Variants in DLGAP2 observed in about 807,000 individuals in gnomAD.
DLGAP2 encodes DLG associated protein 2.
Under a neutral mutation model 100.3 loss-of-function variants are expected in DLGAP2, and 26 were observed. That is an observed-to-expected ratio of 0.26 (90% CI 0.19 to 0.36). DLGAP2 has a LOEUF of 0.36. Ranked by LOEUF, DLGAP2 falls within the 10% of genes least tolerant of loss-of-function variation. DLGAP2 has a pLI of 1.00. For synonymous variants in DLGAP2, 886 were observed against 630.1 expected (o/e 1.41, Z -6.08); for missense variants, 1,858 against 1,453.2 (o/e 1.28, Z -4.53).
chr8:1,200,085 A>G (rs561849635), intron 2 of DLGAP2, among the ~76,000 whole-genome samples: 8 of 152,054 alleles, frequency 5.3e-5, no homozygotes, highest in Admixed American at 2.6e-4. Flanking sequence ...GGAAGCTGGG[A>G]TGGATGTAGG....
At chr8:1,429,999 T>TAC (rs1563141958) in intron 3 of DLGAP2, among the ~76,000 whole-genome samples, 2 of 62,370 alleles carry the variant, frequency 3.2e-5, no homozygotes, top group Non-Finnish European at 5.8e-5. Flanking sequence ...GAGAGATGCA[T>TAC]ATATATACAT....
chr8:917,486 C>T (rs1011350720), intron 2 of DLGAP2, among the ~76,000 whole-genome samples: 1 of 152,180 alleles, frequency 6.6e-6, no homozygotes, highest in African/African-American at 2.4e-5. Flanking sequence ...TGTGCTCCTG[C>T]CTTGGCCTCC....
chr8:763,373 G>A (rs977463821), intron 1 of DLGAP2, among the ~76,000 whole-genome samples: 3 of 152,210 alleles, frequency 2.0e-5, no homozygotes, highest in Admixed American at 6.5e-5. Context: ...AGCCCTCCAT[G>A]GTTATCAGAA....
chr8:946,327 G>A (rs186631519), intron 2 of DLGAP2, among the ~76,000 whole-genome samples: 6 of 150,884 alleles, frequency 4.0e-5, no homozygotes, highest in East Asian at 2.0e-4. Flanking sequence ...GCAGTGGTGC[G>A]ATCTGGGCTC....
intron 2 of DLGAP2, among the ~76,000 whole-genome samples, chr8:1,023,563 C>A (rs982390763): frequency 5.1e-4 from 78 of 151,554 alleles, no homozygotes; most frequent in Admixed American, 7.9e-4. Flanking sequence ...TGTGTGTGAA[C>A]CTCAGTGTGC....
At chr8:917,695 C>G (rs1422900629) in intron 2 of DLGAP2, among the ~76,000 whole-genome samples, 1 of 152,180 alleles carries the variant, frequency 6.6e-6, no homozygotes, top group Non-Finnish European at 1.5e-5. Flanking sequence ...ATTCTCCTGC[C>G]TCAGCCTCCT....
rs562571775 is a variant in DLGAP2, at chr8:1,693,375, C to T, written c.2796+1749C>T. On this transcript the variant is annotated intron_variant, in intron 13 of 14. Coordinates refer to ENST00000637795, the MANE Select transcript of DLGAP2 (RefSeq NM_001346810.2). Reference sequence around the variant, plus strand: ...ATATTTTATATATACTATATATTTGCCTACACACATACATGTATACTTTTC... The same window carrying T: ...ATATTTTATATATACTATATATTTGTCTACACACATACATGTATACTTTTC... Among the ~76,000 whole-genome samples the T allele has an allele frequency of 2.7e-5, 4 of 150,826 alleles. No homozygotes were observed. The East Asian group carries it at 7.8e-4, about 29-fold the overall frequency.
chr8:1,086,899 G>C (rs1803990774), intron 2 of DLGAP2, among the ~76,000 whole-genome samples: 1 of 152,146 alleles, frequency 6.6e-6, no homozygotes, highest in African/African-American at 2.4e-5. Flanking sequence ...CAACAATTTA[G>C]ACCAAATGGA....
chr8:1,648,572 G>A (rs909881168), intron 8 of DLGAP2, among the ~76,000 whole-genome samples: 7 of 152,022 alleles, frequency 4.6e-5, no homozygotes, highest in South Asian at 4.2e-4. Context: ...GGTCCCCTCC[G>A]GCTGTTATGA....
At chr8:865,562 C>G (rs144936074) in intron 1 of DLGAP2, among the ~76,000 whole-genome samples, 13 of 152,306 alleles carry the variant, frequency 8.5e-5, no homozygotes, top group African/African-American at 3.1e-4. Context: ...CTTCATCTGC[C>G]TTCTCATCCT....
At chr8:1,452,110 A>G (rs1164360409) in intron 3 of DLGAP2, among the ~76,000 whole-genome samples, 11 of 152,270 alleles carry the variant, frequency 7.2e-5, no homozygotes, top group African/African-American at 2.7e-4. Flanking sequence ...GAACACATGC[A>G]TGCCAGGGCC....
chr8:1,101,745 T>C (rs1463364183), intron 2 of DLGAP2, among the ~76,000 whole-genome samples: 1 of 107,788 alleles, frequency 9.3e-6, no homozygotes, highest in Non-Finnish European at 1.9e-5. Context: ...GGGAAGCTCC[T>C]CGTCACCCCT....
intron 3 of DLGAP2, among the ~76,000 whole-genome samples, chr8:1,418,825 C>A (rs769011145): frequency 1.3e-5 from 2 of 152,212 alleles, no homozygotes; most frequent in African/African-American, 2.4e-5. Context: ...GACGCAGCCC[C>A]GCAAGACCAG....
At chr8:1,128,114 C>G (rs908850054) in intron 2 of DLGAP2, among the ~76,000 whole-genome samples, 22 of 146,742 alleles carry the variant, frequency 1.5e-4, no homozygotes, top group Non-Finnish European at 3.0e-5. Flanking sequence ...TGTTGTGTTC[C>G]GTGAGGACCT....
intron 1 of DLGAP2, among the ~76,000 whole-genome samples, chr8:868,913 G>A (rs891845672): frequency 1.3e-5 from 2 of 152,196 alleles, no homozygotes; most frequent in African/African-American, 2.4e-5. Context: ...GGTGTTTTGC[G>A]TTCTCCACAA....
At chr8:1,335,878 C>T (rs746118500) in intron 3 of DLGAP2, among the ~76,000 whole-genome samples, 6 of 151,532 alleles carry the variant, frequency 4.0e-5, no homozygotes, top group Admixed American at 6.6e-5. Context: ...GTGGCAGAGC[C>T]GGGGCTGCGC....
chr8:1,542,826 T>A (rs1283894217), intron 4 of DLGAP2, among the ~76,000 whole-genome samples: 2 of 152,136 alleles, frequency 1.3e-5, no homozygotes, highest in African/African-American at 4.8e-5. Flanking sequence ...CTGTTCTCCC[T>A]TCCCCAGCAG....
intron 1 of DLGAP2, among the ~76,000 whole-genome samples, chr8:830,980 T>C (rs1359002192): frequency 1.3e-5 from 2 of 151,350 alleles, no homozygotes; most frequent in Non-Finnish European, 2.9e-5. Flanking sequence ...ACTGCAACCT[T>C]TGCCTCCCGA....
chr8:1,098,551 C>G (rs1031606960), intron 2 of DLGAP2, among the ~76,000 whole-genome samples: 8 of 151,850 alleles, frequency 5.3e-5, no homozygotes, highest in African/African-American at 1.9e-4. Flanking sequence ...GCGGGCTGGC[C>G]CCACCCTGCG....
Sources: gnomAD v4.1 joint callset for allele counts (sites outside exome capture counted in the v4.1 genomes callset) on GRCh38, gnomAD v4.1.1 for gene constraint, MANE v1.5 for transcripts, NCBI Gene and HGNC (gene_info 2026-07-23, HGNC 2026-07-21) for gene names.